The following CBFA2T2 variants were observed in gnomAD, a reference collection of about 807,000 sequenced individuals.
CBFA2T2 encodes protein CBFA2T2.
Under a neutral mutation model 62.2 loss-of-function variants are expected in CBFA2T2, and 11 were observed. The observed-to-expected ratio is 0.18, with a 90% CI of 0.11 to 0.29. The LOEUF is 0.29. CBFA2T2 is among the 10% of genes least tolerant of loss of function. The probability of loss-of-function intolerance (pLI) is 1.00; values close to 1 mark genes in which losing one functional copy is unlikely to be tolerated. For synonymous variants in CBFA2T2, 295 were observed against 287.5 expected, an observed-to-expected ratio of 1.03 and a Z score of -0.27; for missense variants, 592 against 774.1, an observed-to-expected ratio of 0.76 and a Z score of 2.79.
intron 1 of CBFA2T2, among the ~76,000 whole-genome samples, chr20:33,540,400 T>G (rs536079076): frequency 2.2e-4 from 33 of 152,334 alleles, no homozygotes; most frequent in African/African-American, 6.5e-4. Flanking sequence ...GCTAACAGCA[T>G]GTTACTGTAC....
intron 1 of CBFA2T2, among the ~76,000 whole-genome samples, chr20:33,490,666 G>A (rs545532168): frequency 3.9e-5 from 6 of 152,364 alleles, no homozygotes; most frequent in African/African-American, 1.4e-4. Context: ...CCCGCCCGAT[G>A]TTGAGGGTTG....
chr20:33,591,467 C>CAAAAAAAA (rs11475752), intron 1 of CBFA2T2, among the ~76,000 whole-genome samples: 78 of 97,956 alleles, frequency 8.0e-4, no homozygotes, highest in Non-Finnish European at 1.2e-3. Context: ...GAGTAAATCT[C>CAAAAAAAA]AAAAAAAAAA....
At chr20:33,577,492 A>G (rs945111125) in intron 1 of CBFA2T2, among the ~76,000 whole-genome samples, 2 of 152,146 alleles carry the variant, frequency 1.3e-5, no homozygotes, top group African/African-American at 2.4e-5. Flanking sequence ...AACAGCTTCT[A>G]TGCTTCAATT....
chr20:33,552,987 A>G (rs2012779396), intron 1 of CBFA2T2, among the ~76,000 whole-genome samples: 1 of 150,682 alleles, frequency 6.6e-6, no homozygotes, highest in South Asian at 2.1e-4. Context: ...CACACCCCTT[A>G]ACTCTAGTCC....
At chr20:33,530,576 C>G (rs1348756185) in intron 1 of CBFA2T2, among the ~76,000 whole-genome samples, 1 of 151,920 alleles carries the variant, frequency 6.6e-6, no homozygotes, top group Non-Finnish European at 1.5e-5. Context: ...CGCAGCCACA[C>G]CAGCTAATTT....
At chr20:33,495,579 C>A (rs2011191780) in intron 1 of CBFA2T2, among the ~76,000 whole-genome samples, 1 of 151,570 alleles carries the variant, frequency 6.6e-6, no homozygotes. Context: ...GTAGTCCCAG[C>A]TACTTGGGAG....
intron 1 of CBFA2T2, among the ~76,000 whole-genome samples, chr20:33,587,326 G>C (rs1246406535): frequency 6.6e-6 from 1 of 151,954 alleles, no homozygotes. Context: ...GAGTGCAGTG[G>C]CACGATCTCG....
intron 1 of CBFA2T2, 121 bp from the exon 2 acceptor site, chr20:33,606,835 G>T (rs2015357924): frequency 1.8e-5 from 15 of 850,818 alleles, no homozygotes; most frequent in Non-Finnish European, 2.4e-5. Flanking sequence ...CTTTTAGGGG[G>T]TCACTATTCA....
intron 1 of CBFA2T2, among the ~76,000 whole-genome samples, chr20:33,501,695 AG>A (rs1265281639): frequency 8.8e-6 from 1 of 113,294 alleles, no homozygotes; most frequent in Non-Finnish European, 1.6e-5. Flanking sequence ...GCTGGAGTGC[AG>A]TGGTGCGATC....
intron 1 of CBFA2T2, among the ~76,000 whole-genome samples, chr20:33,533,022 G>A (rs756889242): frequency 2.0e-5 from 3 of 151,846 alleles, no homozygotes; most frequent in Non-Finnish European, 2.9e-5. Flanking sequence ...AGAACTACAC[G>A]CCCCTTCCTG....
chr20:33,601,358 G>A (rs1289363874), intron 1 of CBFA2T2, among the ~76,000 whole-genome samples: 12 of 152,112 alleles, frequency 7.9e-5, no homozygotes, highest in Non-Finnish European at 1.8e-4. Flanking sequence ...TCTGCCTCTC[G>A]TGTTCAAGCG....
intron 1 of CBFA2T2, among the ~76,000 whole-genome samples, chr20:33,592,620 GA>G (rs1317529430): frequency 6.6e-6 from 1 of 151,940 alleles, no homozygotes; most frequent in Non-Finnish European, 1.5e-5. Context: ...AGTTACTTGG[GA>G]GGCTGAGGAT....
At chr20:33,490,554 A>G (rs962519732) in intron 1 of CBFA2T2, among the ~76,000 whole-genome samples, 21 of 152,108 alleles carry the variant, frequency 1.4e-4, no homozygotes, top group African/African-American at 4.6e-4. Context: ...CGGCCTCGGA[A>G]CTTAGGCCGG....
rs1396898193 is a variant in CBFA2T2 at position 33,490,208 on chromosome 20, G to C, written c.-60G>C. ...CGGGCCGCGGGTCGAGGCGGGCGGCGCCTGCGAGGGACCCGTGTCGCGGGT... is the reference window on the plus strand; with the variant it reads ...CGGGCCGCGGGTCGAGGCGGGCGGCCCCTGCGAGGGACCCGTGTCGCGGGT... On this transcript the variant is annotated 5_prime_UTR_variant, in exon 1 of 11. Transcript: ENST00000342704. The C allele has an allele frequency of 1.7e-5, 21 of 1,214,066 alleles. No individual in the cohort carries two copies. Among genetic ancestry groups the C allele is most frequent in the East Asian group, 3.3e-5 (1 of 30,110 alleles). The allele number at this position is 1,214,066 out of a possible 1,614,324, so 75.2% of individuals were successfully genotyped here. A position where few individuals can be genotyped will look rare whatever the true frequency, so the allele number is the denominator to read the frequency against.
At chr20:33,564,444 G>A (rs1022255770) in intron 1 of CBFA2T2, among the ~76,000 whole-genome samples, 1 of 151,942 alleles carries the variant, frequency 6.6e-6, no homozygotes, top group Non-Finnish European at 1.5e-5. Flanking sequence ...TTTTAGTAGA[G>A]ACGGGTTTTA....
intron 1 of CBFA2T2, among the ~76,000 whole-genome samples, chr20:33,509,731 G>C (rs1199054965): frequency 6.6e-6 from 1 of 151,986 alleles, no homozygotes; most frequent in Non-Finnish European, 1.5e-5. Context: ...TGGGAGGCTA[G>C]GGCAAGAGAA....
At chr20:33,561,501 A>G (rs1023724365) in intron 1 of CBFA2T2, among the ~76,000 whole-genome samples, 3 of 152,196 alleles carry the variant, frequency 2.0e-5, no homozygotes, top group Admixed American at 6.5e-5. Flanking sequence ...CATTTTGTGT[A>G]ACTATAGTAT....
intron 1 of CBFA2T2, among the ~76,000 whole-genome samples, chr20:33,601,481 T>G (rs1053420330): frequency 6.6e-6 from 1 of 151,548 alleles, no homozygotes; most frequent in African/African-American, 2.4e-5. Flanking sequence ...GCCAGGCTGA[T>G]CTTGAACTCC....
intron 1 of CBFA2T2, among the ~76,000 whole-genome samples, chr20:33,514,293 C>A (rs1244764404): frequency 7.2e-6 from 1 of 139,282 alleles, no homozygotes; most frequent in Non-Finnish European, 1.5e-5. Context: ...CGGCTCGCTA[C>A]AACCTCCACC....
Sources: gnomAD v4.1 joint callset for allele counts (sites outside exome capture counted in the v4.1 genomes callset) on GRCh38, gnomAD v4.1.1 for gene constraint, MANE v1.5 for transcripts, NCBI Gene and HGNC (gene_info 2026-07-23, HGNC 2026-07-21) for gene names.